EPHA8: variants seen among roughly 807,000 people sequenced by gnomAD.
EPHA8 encodes the protein EPH receptor A8.
A neutral mutation model predicts 103.6 loss-of-function variants in EPHA8; 58 were observed. The ratio of observed to expected loss-of-function variants is 0.56; its 90% confidence interval spans 0.45 to 0.70. The LOEUF is 0.70. Ranked by LOEUF, EPHA8 falls within the 30% of genes least tolerant of loss-of-function variation. The pLI is 0.00. For synonymous variants in EPHA8, 559 were observed against 572.5 expected (o/e 0.98, Z 0.34); for missense variants, 1,304 against 1,395.2 (o/e 0.93, Z 1.04).
intron 8 of EPHA8, among the ~76,000 whole-genome samples, chr1:22,595,707 T>C (rs566140600): frequency 1.4e-3 from 210 of 152,232 alleles, no homozygotes; most frequent in African/African-American, 3.5e-3. Flanking sequence ...ACTGTAAGGA[T>C]CATCTAACTG....
Position 22,569,377 on chromosome 1 carries a change from ACGTCATCCCT to A in EPHA8, c.159+26_159+35del, listed in dbSNP as rs764612888. On this transcript the variant is annotated intron_variant, in intron 2 of 16. Transcript: ENST00000166244. This position sits in a 1 kb window ranked among gnomAD's most constrained non-coding sequence, Gnocchi z 4.5. The stretch of plus-strand genomic sequence containing the variant: ...GGGTGAGTGATGGGCACTGGGGACA[ACGTCATCCCT>A]CTGTGAGCAGAGAGAGGCTGCCACT... 6.4e-7 allele frequency: 1 copy of A among 1,564,624 alleles called. No individual in the cohort carries two copies. The highest frequency in any genetic ancestry group is 8.6e-7 in the Non-Finnish European group (1 of 1,156,626).
chr1:22,585,065 C>T (rs1184298334), intron 3 of EPHA8, among the ~76,000 whole-genome samples: 1 of 95,224 alleles, frequency 1.1e-5, no homozygotes, highest in African/African-American at 6.3e-5. Flanking sequence ...ACGCGTGTGT[C>T]TAGAGTTCCA....
At chr1:22,578,876 C>G (rs1640919742) in intron 3 of EPHA8, among the ~76,000 whole-genome samples, 1 of 119,872 alleles carries the variant, frequency 8.3e-6, no homozygotes, top group Non-Finnish European at 1.7e-5. Flanking sequence ...TGCACGTGTC[C>G]GTGTGTCCGT....
At chr1:22,582,466 A>G (rs1289235521) in intron 3 of EPHA8, among the ~76,000 whole-genome samples, 1 of 152,220 alleles carries the variant, frequency 6.6e-6, no homozygotes, top group African/African-American at 2.4e-5. Flanking sequence ...AGCCTGGGAT[A>G]AGGGACCCGC....
intron 4 of EPHA8, among the ~76,000 whole-genome samples, chr1:22,587,208 G>T (rs1365554316): frequency 6.6e-6 from 1 of 152,230 alleles, no homozygotes; most frequent in Admixed American, 6.5e-5. Context: ...GACGACGCCT[G>T]TATCGTGTTT....
Position 22,576,037 on chromosome 1 carries a change from T to C in EPHA8, c.160-180T>C, listed in dbSNP as rs755101411. 2.6e-5 allele frequency among the ~76,000 whole-genome samples: 4 copies of C among 151,496 alleles called. No homozygotes were observed. Among genetic ancestry groups the C allele is most frequent in the Non-Finnish European group, 5.9e-5 (4 of 67,936 alleles). On this transcript the variant is annotated intron_variant, in intron 2 of 16. Coordinates refer to ENST00000166244, the MANE Select transcript of EPHA8 (RefSeq NM_020526.5). The surrounding 1 kb of genome is among the most constrained non-coding windows in gnomAD (Gnocchi z 4.8). ...AAGAGTTAGTAAATAACACTTCCCC[T>C]GAAGATCGTGGCCCTCTTCGAGATC...
chr1:22,581,124 T>G (rs1035779567), intron 3 of EPHA8, among the ~76,000 whole-genome samples: 4 of 152,212 alleles, frequency 2.6e-5, no homozygotes, highest in African/African-American at 4.8e-5. Flanking sequence ...CCCATTTTAC[T>G]GATAAGAAAA....
intron 3 of EPHA8, among the ~76,000 whole-genome samples, chr1:22,577,999 CTG>C (rs1277165170): frequency 9.3e-3 from 1 of 108 alleles, no homozygotes; most frequent in African/African-American, 0.033. Context: ...GCATGTACAC[CTG>C]TGTGTGCATG....
intron 1 of EPHA8, among the ~76,000 whole-genome samples, chr1:22,568,852 C>T (rs368633823): frequency 3.3e-5 from 5 of 152,182 alleles, no homozygotes; most frequent in African/African-American, 1.2e-4. Context: ...CACAAAAGCC[C>T]TGTGGGACCG....
At chr1:22,580,828 C>G (rs1641024226) in intron 3 of EPHA8, among the ~76,000 whole-genome samples, 1 of 152,204 alleles carries the variant, frequency 6.6e-6, no homozygotes, top group South Asian at 2.1e-4. Context: ...AGAGCTGGAG[C>G]CTGAAGACAG....
In EPHA8 at chr1:22,597,866, G is replaced by A. The variant is rs1049507217; in HGVS notation, c.2116+5G>A. The stretch of plus-strand genomic sequence containing the variant: ...TCGAGGGTGTCGTCACCCGTGGTAG[G>A]TGCCGGGCAAAGACAGCCTCCCCCT... On this transcript the variant is annotated splice_donor_5th_base_variant and intron_variant, in intron 11 of 16. Transcript: ENST00000166244. The surrounding 1 kb of genome is among the most constrained non-coding windows in gnomAD (Gnocchi z 4.6). The A allele has an allele frequency of 4.4e-6, 7 of 1,603,166 alleles. No homozygotes were observed. In the Admixed American group the frequency reaches 1.2e-4, roughly 27 times the overall value.
intron 15 of EPHA8, 106 bp downstream of exon 15, chr1:22,601,194 T>C (rs1233595493): frequency 6.5e-7 from 1 of 1,528,926 alleles, no homozygotes; most frequent in Non-Finnish European, 8.8e-7. Context: ...AGGCCCAGCC[T>C]GGGCCCCCGG....
rs1483434281 is a variant in EPHA8, at chr1:22,597,384, C to T, written c.1838C>T (p.Pro613Leu). 2.5e-6 allele frequency: 4 copies of T among 1,613,502 alleles called. No individual in the cohort carries two copies. Among genetic ancestry groups the T allele is most frequent in the Non-Finnish European group, 2.5e-6 (3 of 1,179,996 alleles). ...CCAGAGCCCCAGTTCTATGCGGAAC[C>T]CCACACCTACGAGGAGCCAGGCCGG... ...KLPEPQFYAE[P>L]HTYEEPGRAG... The change falls in exon 10 of 17, where the codon CCC becomes CTC. Residue 613 changes from proline to leucine, a missense_variant. Coordinates refer to ENST00000166244, the MANE Select transcript of EPHA8 (RefSeq NM_020526.5). This position sits in a 1 kb window ranked among gnomAD's most constrained non-coding sequence, Gnocchi z 4.6.
At chr1:22,587,455 C>T (rs1022163972) in intron 4 of EPHA8, among the ~76,000 whole-genome samples, 12 of 152,188 alleles carry the variant, frequency 7.9e-5, no homozygotes, top group Admixed American at 1.3e-4. Context: ...GGTGTGGCTG[C>T]ATGTGCACGT....
intron 2 of EPHA8, among the ~76,000 whole-genome samples, chr1:22,574,296 T>C (rs1640624224): frequency 1.3e-5 from 2 of 152,340 alleles, no homozygotes; most frequent in African/African-American, 4.8e-5. Flanking sequence ...TTTCTTTCTT[T>C]CTTGTTTATT....
intron 3 of EPHA8, among the ~76,000 whole-genome samples, chr1:22,578,144 ATGTG>A (rs1220268436): frequency 2.1e-4 from 14 of 66,188 alleles, no homozygotes; most frequent in Middle Eastern, 0.01. Context: ...GCATGTGTGT[ATGTG>A]TGCGTGTGTG....
At chr1:22,586,932 G>A (rs920902856) in intron 4 of EPHA8, among the ~76,000 whole-genome samples, 1 of 152,272 alleles carries the variant, frequency 6.6e-6, no homozygotes, top group Non-Finnish European at 1.5e-5. Context: ...ATCTAGCAGC[G>A]ATGCCGATGT....
intron 13 of EPHA8, among the ~76,000 whole-genome samples, chr1:22,600,069 G>C (rs1338457371): frequency 2.0e-5 from 2 of 98,104 alleles, no homozygotes; most frequent in African/African-American, 4.8e-5. Flanking sequence ...AGGGGGGATG[G>C]AGGGAGGAAG....
At chr1:22,570,289 C>A (rs967753676) in intron 2 of EPHA8, among the ~76,000 whole-genome samples, 1 of 150,862 alleles carries the variant, frequency 6.6e-6, no homozygotes, top group African/African-American at 2.5e-5. Flanking sequence ...CACGCGCGTA[C>A]ACACACATGC....
Sources: gnomAD v4.1 joint callset for allele counts (sites outside exome capture counted in the v4.1 genomes callset) on GRCh38, gnomAD v4.1.1 for gene constraint, Gnocchi (gnomAD v3.1) non-coding constraint, MANE v1.5 for transcripts, NCBI Gene and HGNC (gene_info 2026-07-23, HGNC 2026-07-21) for gene names.